Variants in FLRT2 observed in about 807,000 individuals in gnomAD.
The protein encoded by FLRT2 is leucine-rich repeat transmembrane protein FLRT2.
In FLRT2, 15 loss-of-function variants were observed where a neutral mutation model predicts 40.0. The observed-to-expected ratio is 0.38, with a 90% confidence interval of 0.25 to 0.58. The LOEUF is 0.58. FLRT2 is among the 20% of genes least tolerant of loss of function. FLRT2 has a pLI of 0.71. For synonymous variants in FLRT2, 380 were observed against 336.8 expected, an observed-to-expected ratio of 1.13 and a Z score of -1.41; for missense variants, 726 against 840.0, an observed-to-expected ratio of 0.86 and a Z score of 1.68.
chr14:85,570,504 GT>G (rs1241762724), intron 1 of FLRT2, among the ~76,000 whole-genome samples: 89 of 151,798 alleles, frequency 5.9e-4, no homozygotes, highest in African/African-American at 2.1e-3. Flanking sequence ...GAAGTGCATA[GT>G]TTTACAGACT....
intron 1 of FLRT2, among the ~76,000 whole-genome samples, chr14:85,615,924 A>G (rs2139360454): frequency 6.6e-6 from 1 of 152,306 alleles, no homozygotes; most frequent in Non-Finnish European, 1.5e-5. Context: ...GTGCTCCTGG[A>G]ATACAGGCTC....
intron 1 of FLRT2, among the ~76,000 whole-genome samples, chr14:85,573,067 T>C (rs1890965841): frequency 6.6e-6 from 1 of 152,210 alleles, no homozygotes; most frequent in Non-Finnish European, 1.5e-5. Context: ...GTCATCATTT[T>C]GGGCATAGAA....
At chr14:85,540,908 C>A (rs2139809578) in intron 1 of FLRT2, among the ~76,000 whole-genome samples, 1 of 152,082 alleles carries the variant, frequency 6.6e-6, no homozygotes, top group South Asian at 2.1e-4. Context: ...TTAAAGAGGT[C>A]TACTAATAAA....
chr14:85,568,697 G>A (rs1890747543), intron 1 of FLRT2, among the ~76,000 whole-genome samples: 1 of 152,100 alleles, frequency 6.6e-6, no homozygotes, highest in African/African-American at 2.4e-5. Flanking sequence ...CACAATTAAT[G>A]AGGCCACTTC....
rs948796956 is a variant in FLRT2, at chr14:85,644,931, T to G, written c.*21434T>G. On this transcript the variant is annotated 3_prime_UTR_variant, in exon 2 of 2. Transcript: ENST00000330753. ...AGGAGATTAATAGCGTAGAGCTCTGTGGTTCTGAAGCAAAATCATGCTTTC... is the reference window on the plus strand; with the variant it reads ...AGGAGATTAATAGCGTAGAGCTCTGGGGTTCTGAAGCAAAATCATGCTTTC... 5.9e-5 allele frequency: 9 copies of G among 152,198 alleles called. No individual in the cohort carries two copies. The highest frequency in any genetic ancestry group is 2.2e-4 in the African/African-American group (9 of 41,440). 9.4% of individuals were successfully genotyped at this position (152,198 alleles called of 1,614,324 possible). A position where few individuals can be genotyped will look rare whatever the true frequency, so the allele number is the denominator to read the frequency against.
intron 1 of FLRT2, among the ~76,000 whole-genome samples, chr14:85,620,844 G>A (rs1893346988): frequency 6.6e-6 from 1 of 152,128 alleles, no homozygotes; most frequent in Admixed American, 6.5e-5. Context: ...GTTTGGATAT[G>A]CAAATAGATA....
intron 1 of FLRT2, among the ~76,000 whole-genome samples, chr14:85,566,572 T>TGTGTGTGTGTGTGTGC (rs1218679592): frequency 4.3e-4 from 66 of 151,894 alleles, no homozygotes; most frequent in African/African-American, 1.6e-3. Context: ...TGTGTGTGTG[T>TGTGTGTGTGTGTGTGC]GTGTGCAAGA....
Position 85,623,206 on chromosome 14 carries a change from G to C in FLRT2, c.1692G>C (p.Trp564Cys). Residue 564 changes from tryptophan (W) to cysteine (C), a missense_variant, in exon 2 of 2, where the codon TGG (tryptophan) becomes TGC (cysteine). Physicochemically the swap from Trp to Cys is radical, Grantham distance 215. This residue lies in a region of FLRT2 where 611 missense variants were observed against 690.0 expected (regional missense o/e 0.89). Transcript: ENST00000330753. ...VLVVLLSVFC[W>C]HMHKKGRYTS... ...TGGTCTTGCTCAGCGTCTTTTGCTG[G>C]CATATGCACAAAAAGGGGCGCTACA... 1.3e-6 allele frequency: 2 copies of C among 1,536,668 alleles called. No homozygotes were observed. Among genetic ancestry groups the C allele is most frequent in the South Asian group, 1.3e-5 (1 of 77,576 alleles).
intron 1 of FLRT2, among the ~76,000 whole-genome samples, chr14:85,557,542 G>A (rs1890047534): frequency 6.6e-6 from 1 of 152,208 alleles, no homozygotes; most frequent in Non-Finnish European, 1.5e-5. Context: ...AAGGCGCGGT[G>A]GCTCACGCCT....
intron 1 of FLRT2, among the ~76,000 whole-genome samples, chr14:85,583,577 C>T (rs544766436): frequency 9.9e-5 from 15 of 152,270 alleles, no homozygotes; most frequent in African/African-American, 2.2e-4. Context: ...TGTGGAGAGA[C>T]GCTCCTAGCA....
intron 1 of FLRT2, among the ~76,000 whole-genome samples, chr14:85,578,956 C>T (rs1165814249): frequency 8.5e-5 from 13 of 152,162 alleles, no homozygotes; most frequent in Non-Finnish European, 2.9e-5. Flanking sequence ...CACATCTCTC[C>T]CAGTTGGAGT....
intron 1 of FLRT2, among the ~76,000 whole-genome samples, chr14:85,586,625 C>T (rs377651903): frequency 8.1e-4 from 123 of 152,072 alleles, no homozygotes; most frequent in African/African-American, 2.7e-3. Context: ...CCAATTCTTA[C>T]ACAGTTTAGG....
At position 85,646,775 on chromosome 14, in the gene FLRT2, C is replaced by G. The variant is rs2372979; in HGVS notation, c.*23278C>G. ...GAGATTGCAGGTGCCCACCACTACA[C>G]CCAGCTAATTTTTGTTTTTTTTGGT... is the stretch of plus-strand genomic sequence containing the variant. On this transcript the variant is annotated 3_prime_UTR_variant, in exon 2 of 2. Transcript: ENST00000330753. 117,066 of 152,056 alleles carry G rather than the reference C, an allele frequency of 0.77. 45,342 individuals carry two copies. Among genetic ancestry groups the G allele is most frequent in the Non-Finnish European group, 0.82 (55,913 of 68,060 alleles). The allele number at this position is 152,056 out of a possible 1,614,324, so 9.4% of individuals were successfully genotyped here.
intron 1 of FLRT2, among the ~76,000 whole-genome samples, chr14:85,564,378 G>A (rs1405588096): frequency 6.6e-6 from 1 of 152,070 alleles, no homozygotes; most frequent in Non-Finnish European, 1.5e-5. Flanking sequence ...CCTCATTTTA[G>A]TACAAATGAA....
In FLRT2 at chr14:85,649,619, T is replaced by C. The variant is rs369980595; in HGVS notation, c.*26122T>C. 6.6e-6 allele frequency: 1 copy of C among 152,092 alleles called. No homozygotes were observed. The highest frequency in any genetic ancestry group is 6.6e-5 in the Admixed American group (1 of 15,242). 9.4% of individuals were successfully genotyped at this position (152,092 alleles called of 1,614,324 possible). A position where few individuals can be genotyped will look rare whatever the true frequency, so the allele number is the denominator to read the frequency against. On this transcript the variant is annotated 3_prime_UTR_variant, in exon 2 of 2. Transcript: ENST00000330753. ...AACCAGAATGTTGTTTTGATCATAC[T>C]GGTTTTAGGCAAAGGATTTTAAGAT...
intron 1 of FLRT2, among the ~76,000 whole-genome samples, chr14:85,581,159 C>T (rs911932059): frequency 6.6e-6 from 1 of 152,200 alleles, no homozygotes; most frequent in Admixed American, 6.5e-5. Flanking sequence ...CGACCGCCCA[C>T]AGTGGGATGG....
chr14:85,627,089 C>T lies in FLRT2; in HGVS notation c.*3592C>T, dbSNP rs1358842582. 2 of 167,034 alleles carry T rather than the reference C, an allele frequency of 1.2e-5. No homozygotes were observed. The highest frequency in any genetic ancestry group is 3.9e-4 in the East Asian group (2 of 5,192). The allele number at this position is 167,034 out of a possible 1,614,324, so 10.3% of individuals were successfully genotyped here. ...TTTGAAAAGTGAAGGGGTTAATTCC[C>T]ATTGGTGTCTTTGCTTATAGCATTT... On this transcript the variant is annotated 3_prime_UTR_variant, in exon 2 of 2. Transcript: ENST00000330753.
Position 85,636,978 on chromosome 14 carries a change from A to G in FLRT2, c.*13481A>G, listed in dbSNP as rs1250519756. ...AAGAGAGAGACTAACATTCTAACAG[A>G]CAAAACAAAAACAAAAAACAAAAAA... On this transcript the variant is annotated 3_prime_UTR_variant, in exon 2 of 2. Transcript: ENST00000330753. 3 of 151,152 alleles carry G rather than the reference A, an allele frequency of 2.0e-5. No homozygotes were observed. The highest frequency in any genetic ancestry group is 2.9e-5 in the Non-Finnish European group (2 of 67,808). 9.4% of individuals were successfully genotyped at this position (151,152 alleles called of 1,614,324 possible).
intron 1 of FLRT2, among the ~76,000 whole-genome samples, chr14:85,550,656 T>G (rs1472287311): frequency 6.6e-6 from 1 of 152,230 alleles, no homozygotes; most frequent in Non-Finnish European, 1.5e-5. Context: ...TGTTTTAGCC[T>G]TTACCTACAT....
Sources: gnomAD v4.1 joint callset for allele counts (sites outside exome capture counted in the v4.1 genomes callset) on GRCh38, gnomAD v4.1.1 for gene constraint, gnomAD v4.1.1 regional missense constraint, MANE v1.5 for transcripts, NCBI Gene and HGNC (gene_info 2026-07-23, HGNC 2026-07-21) for gene names.